The following TRIP4 variants were observed in gnomAD, a reference collection of about 807,000 sequenced individuals.
The protein encoded by TRIP4 is activating signal cointegrator 1.
In TRIP4, 54 loss-of-function variants were observed where a neutral mutation model predicts 81.8. That is an observed-to-expected ratio of 0.66 (90% CI 0.53 to 0.83). The LOEUF (loss-of-function observed/expected upper bound fraction) is 0.83, where lower values mean the gene tolerates loss of function less well. Ranked by LOEUF, TRIP4 falls within the 40% of genes least tolerant of loss-of-function variation. TRIP4 has a pLI of 0.00. For missense variants in TRIP4, 662 were observed against 683.6 expected, an observed-to-expected ratio of 0.97 and a Z score of 0.35; for synonymous variants, 270 against 242.8, an observed-to-expected ratio of 1.11 and a Z score of -1.04.
intron 3 of TRIP4, among the ~76,000 whole-genome samples, chr15:64,395,948 G>A (rs1030554433): frequency 2.0e-5 from 3 of 148,380 alleles, no homozygotes; most frequent in Non-Finnish European, 4.4e-5. Flanking sequence ...TCGCTCTGTC[G>A]CCCAGGCTGG....
intron 1 of TRIP4, 177 bp downstream of exon 1, chr15:64,388,141 G>A: frequency 8.6e-7 from 1 of 1,156,648 alleles, no homozygotes. Context: ...TCTGGAATAG[G>A]GTGTCCGGCT....
At chr15:64,395,739 CTTT>C (rs5813297) in intron 3 of TRIP4, among the ~76,000 whole-genome samples, 2 of 136,672 alleles carry the variant, frequency 1.5e-5, no homozygotes, top group African/African-American at 2.7e-5. Flanking sequence ...GACATCTTTG[CTTT>C]TTTTTTTTTT....
rs201646122 is a variant in TRIP4, at chr15:64,418,561, A to G, written c.1191A>G (p.Ala397=). The G allele has an allele frequency of 1.6e-5, 26 of 1,612,650 alleles. No individual in the cohort carries two copies. Among genetic ancestry groups the G allele is most frequent in the Middle Eastern group, 2.0e-4 (1 of 4,962 alleles). Residue 397 remains alanine (A), a synonymous_variant, in exon 9 of 13, where the codon GCA becomes GCG. Transcript: ENST00000261884. ...SPPQWVDHTG[A]ASQKKAFRSS... ...TGTAGTGGGTTGACCACACAGGTGC[A>G]GCCTCACAGAAGAAGGCTTTCCGTT...
intron 11 of TRIP4, among the ~76,000 whole-genome samples, chr15:64,428,108 G>A (rs1009919510): frequency 6.6e-6 from 1 of 152,178 alleles, no homozygotes. Flanking sequence ...TTCTAAAAGA[G>A]AACCCAGGAG....
chr15:64,412,028 A>G (rs1204973691), intron 7 of TRIP4, among the ~76,000 whole-genome samples: 1 of 152,174 alleles, frequency 6.6e-6, no homozygotes, highest in Non-Finnish European at 1.5e-5. Context: ...ACATATCAAG[A>G]TAACAATTTC....
intron 4 of TRIP4, 35 bp from the exon 5 acceptor site, chr15:64,400,707 TG>T: frequency 3.3e-6 from 5 of 1,522,210 alleles, no homozygotes; most frequent in Non-Finnish European, 4.6e-6. Context: ...ATAATTTAAC[TG>T]TTGGATCACA....
intron 4 of TRIP4, among the ~76,000 whole-genome samples, chr15:64,400,260 T>C (rs958207811): frequency 4.7e-5 from 7 of 150,488 alleles, no homozygotes; most frequent in Non-Finnish European, 8.9e-5. Context: ...CTGGGCAACA[T>C]GGCAAAACCC....
intron 11 of TRIP4, among the ~76,000 whole-genome samples, chr15:64,430,821 A>G (rs781668871): frequency 1.5e-4 from 23 of 152,220 alleles, no homozygotes; most frequent in Non-Finnish European, 2.4e-4. Flanking sequence ...TCAAGGAATT[A>G]TGCTGAAGCA....
Position 64,387,884 on chromosome 15 carries a change from G to A in TRIP4, c.21G>A (p.Val7=), listed in dbSNP as rs35604990. 3.9e-6 allele frequency: 6 copies of A among 1,548,430 alleles called. No homozygotes were observed. The African/African-American group carries it at 4.1e-5, about 11-fold the overall frequency. The change falls in exon 1 of 13, where the codon GTG becomes GTA. Residue 7 remains valine, a synonymous_variant. Transcript: ENST00000261884. ...GGAAGATGGCGGTGGCTGGGGCGGTGTCCGGGGAGCCGCTGGTGCACTGGT... is the reference window on the plus strand; with the variant it reads ...GGAAGATGGCGGTGGCTGGGGCGGTATCCGGGGAGCCGCTGGTGCACTGGT... The part of the protein sequence containing the change: MAVAGA[V]SGEPLVHWCT...
intron 8 of TRIP4, among the ~76,000 whole-genome samples, chr15:64,414,749 C>T (rs955182252): frequency 3.3e-5 from 5 of 151,844 alleles, no homozygotes; most frequent in Admixed American, 2.0e-4. Context: ...GATCTCCTGA[C>T]CTCGTGATCT....
intron 1 of TRIP4, among the ~76,000 whole-genome samples, chr15:64,389,807 C>T (rs993344966): frequency 2.7e-5 from 4 of 148,608 alleles, no homozygotes; most frequent in Non-Finnish European, 5.9e-5. Context: ...CACGTTCAAG[C>T]GATTCTCTTT....
At chr15:64,397,084 G>A (rs890292265) in intron 3 of TRIP4, among the ~76,000 whole-genome samples, 3 of 151,710 alleles carry the variant, frequency 2.0e-5, no homozygotes, top group African/African-American at 7.3e-5. Flanking sequence ...CCCTTTTTTT[G>A]TTTGAGATAG....
chr15:64,451,811 GC>G (rs1892770227), intron 12 of TRIP4, among the ~76,000 whole-genome samples: 2 of 149,712 alleles, frequency 1.3e-5, no homozygotes, highest in Admixed American at 1.3e-4. Context: ...CCTCCACCAC[GC>G]CCAACTAATT....
chr15:64,438,185 T>C (rs72741325), intron 11 of TRIP4, among the ~76,000 whole-genome samples: 7,385 of 152,318 alleles, frequency 0.048, 238 homozygotes, highest in South Asian at 0.09. Context: ...AAGTTTTCAG[T>C]TGAGTCAGAC....
rs1183894077 is a variant in TRIP4 at position 64,409,822 on chromosome 15, A to G, written c.1037A>G (p.His346Arg). ...LEEENSLAEY[H>R]SRLDETIQAI... is the part of the protein sequence containing the mutation. ...GAAGAAAATTCACTAGCAGAGTATC[A>G]TAGCAGGTAAGTGAGCAGCACTAGA... Residue 346 changes from histidine to arginine, a missense_variant, in exon 7 of 13, where the codon CAT becomes CGT. Physicochemically the swap from His to Arg is conservative, Grantham distance 29 (BLOSUM62 0). Transcript: ENST00000261884. 1 of 1,614,000 alleles carries G rather than the reference A, an allele frequency of 6.2e-7. No homozygotes were observed.
chr15:64,448,554 C>G (rs1023817348), intron 12 of TRIP4, among the ~76,000 whole-genome samples: 2 of 152,162 alleles, frequency 1.3e-5, no homozygotes, highest in Admixed American at 1.3e-4. Context: ...ACTTCCATCT[C>G]CCAGGCTCAA....
At chr15:64,426,101 T>C (rs1422351807) in intron 11 of TRIP4, among the ~76,000 whole-genome samples, 1 of 151,910 alleles carries the variant, frequency 6.6e-6, no homozygotes, top group East Asian at 1.9e-4. Flanking sequence ...AAAAAAGCTA[T>C]TGCCACAATG....
intron 11 of TRIP4, among the ~76,000 whole-genome samples, chr15:64,441,000 T>A (rs1892504012): frequency 1.3e-5 from 2 of 152,116 alleles, no homozygotes; most frequent in African/African-American, 2.4e-5. Context: ...ATTTTTTTTT[T>A]TTTTATTTTT....
chr15:64,409,618 G>A lies in TRIP4; in HGVS notation c.833G>A (p.Arg278Gln). 1 of 1,613,884 alleles carries A rather than the reference G, an allele frequency of 6.2e-7. No homozygotes were observed. Among genetic ancestry groups the A allele is most frequent in the South Asian group, 1.1e-5 (1 of 91,020 alleles). ...KLLEFDRTSI[R>Q]RTQVIDDESD... ...ATGTGTTCCCTTTTTCTCAGTATTC[G>A]AAGGACCCAAGTCATTGATGATGAG... The change falls in exon 7 of 13, where the codon CGA (arginine) becomes CAA (glutamine). Residue 278 changes from arginine to glutamine, a missense_variant. By Grantham distance (43) the Arg-to-Gln change is conservative. Coordinates refer to ENST00000261884, the MANE Select transcript of TRIP4 (RefSeq NM_016213.5).
Sources: allele counts gnomAD v4.1 joint callset (sites outside exome capture counted in the v4.1 genomes callset), GRCh38; gene constraint gnomAD v4.1.1; transcripts MANE v1.5; gene names NCBI Gene and HGNC (gene_info 2026-07-23, HGNC 2026-07-21).